Variants in CMSS1 observed in about 807,000 individuals in gnomAD.
CMSS1 encodes cms1 ribosomal small subunit homolog.
Under a neutral mutation model 43.5 loss-of-function variants are expected in CMSS1, and 33 were observed. The observed-to-expected ratio is 0.76, with a 90% CI of 0.57 to 1.01. The LOEUF (loss-of-function observed/expected upper bound fraction) is 1.01, where lower values mean the gene tolerates loss of function less well. CMSS1 is among the 50% of genes least tolerant of loss of function. The pLI, the probability that CMSS1 is intolerant of heterozygous loss-of-function variation, is 0.00. For synonymous variants in CMSS1, 115 were observed against 117.2 expected (o/e 0.98, Z 0.12); for missense variants, 313 against 326.4 (o/e 0.96, Z 0.32).
intron 1 of CMSS1, among the ~76,000 whole-genome samples, chr3:100,121,880 G>T (rs1035382135): frequency 1.3e-5 from 2 of 152,190 alleles, no homozygotes; most frequent in Non-Finnish European, 2.9e-5. Context: ...GCTGCTCCCA[G>T]CAGCAGAACC....
At chr3:100,055,793 A>C (rs980425474) in intron 1 of CMSS1, among the ~76,000 whole-genome samples, 2 of 152,202 alleles carry the variant, frequency 1.3e-5, no homozygotes, top group African/African-American at 4.8e-5. Context: ...AAATTTCAGA[A>C]ATTTTTTAAT....
intron 2 of CMSS1, among the ~76,000 whole-genome samples, chr3:100,150,004 G>A (rs984561129): frequency 6.6e-6 from 1 of 151,910 alleles, no homozygotes; most frequent in Non-Finnish European, 1.5e-5. Flanking sequence ...TTGACATTCA[G>A]GGCTGGGGTC....
intron 1 of CMSS1, among the ~76,000 whole-genome samples, chr3:100,088,003 A>G (rs1022224469): frequency 2.0e-4 from 31 of 151,760 alleles, no homozygotes; most frequent in African/African-American, 6.5e-4. Context: ...GCTAATTTTT[A>G]TATTTGTAGT....
At chr3:99,844,393 T>G (rs1943269859) in intron 1 of CMSS1, among the ~76,000 whole-genome samples, 1 of 152,152 alleles carries the variant, frequency 6.6e-6, no homozygotes, top group African/African-American at 2.4e-5. Flanking sequence ...ATCTTTTCTC[T>G]TGGGATTACA....
chr3:99,835,378 T>C (rs558939939), intron 1 of CMSS1, among the ~76,000 whole-genome samples: 2 of 152,384 alleles, frequency 1.3e-5, no homozygotes, highest in South Asian at 4.1e-4. Flanking sequence ...GTAGTTCTTT[T>C]AGATCACCTG....
chr3:100,172,431 G>GC (rs1367596452), intron 8 of CMSS1, 28 bp downstream of exon 8: 1 of 1,573,198 alleles, frequency 6.4e-7, no homozygotes, highest in Non-Finnish European at 8.7e-7. Context: ...TGATACTCTT[G>GC]CCCAGGGCTG....
At chr3:99,932,845 C>A (rs895009646) in intron 1 of CMSS1, among the ~76,000 whole-genome samples, 2 of 152,116 alleles carry the variant, frequency 1.3e-5, no homozygotes, top group Non-Finnish European at 2.9e-5. Context: ...GAGCCAAGAT[C>A]GCGCCCGGCA....
intron 1 of CMSS1, among the ~76,000 whole-genome samples, chr3:99,989,756 G>A (rs1402868976): frequency 1.3e-5 from 2 of 150,040 alleles, no homozygotes; most frequent in Non-Finnish European, 2.9e-5. Flanking sequence ...ATGCTAATAT[G>A]TTATCAACAT....
chr3:100,144,261 A>G (rs1243610878), intron 1 of CMSS1, among the ~76,000 whole-genome samples: 4 of 152,090 alleles, frequency 2.6e-5, no homozygotes, highest in African/African-American at 4.8e-5. Context: ...AGCCTTTTTA[A>G]TGGTTGCTGA....
At chr3:99,848,330 T>C in intron 1 of CMSS1, 1 of 1,613,816 alleles carries the variant, frequency 6.2e-7, no homozygotes, top group Non-Finnish European at 8.5e-7. Context: ...GGTGTGGCTG[T>C]TGGTGTGATA....
chr3:100,064,394 C>T (rs1017607753), intron 1 of CMSS1, among the ~76,000 whole-genome samples: 1 of 151,786 alleles, frequency 6.6e-6, no homozygotes, highest in African/African-American at 2.4e-5. Flanking sequence ...ACCCCCCCAA[C>T]ACCCTTTTTT....
At chr3:100,096,708 A>G (rs929259958) in intron 1 of CMSS1, among the ~76,000 whole-genome samples, 1 of 152,142 alleles carries the variant, frequency 6.6e-6, no homozygotes, top group East Asian at 1.9e-4. Flanking sequence ...TGATAGCACA[A>G]CAGAGTGACT....
chr3:100,166,202 T>G, intron 4 of CMSS1, 133 bp from the exon 5 acceptor site: 1 of 594,236 alleles, frequency 1.7e-6, no homozygotes, highest in South Asian at 2.3e-5. Flanking sequence ...GGCAACACTT[T>G]AAGATATAAA....
intron 1 of CMSS1, among the ~76,000 whole-genome samples, chr3:99,825,237 G>A (rs1172032654): frequency 3.3e-5 from 5 of 152,192 alleles, no homozygotes; most frequent in African/African-American, 4.8e-5. Context: ...CTCATGCTTA[G>A]CCTTGTTTTA....
intron 1 of CMSS1, among the ~76,000 whole-genome samples, chr3:99,963,366 C>T (rs966648995): frequency 4.0e-5 from 6 of 151,888 alleles, no homozygotes; most frequent in South Asian, 2.1e-4. Context: ...AGTCATGATC[C>T]GTGGAGCCTG....
rs542070559 is a variant in CMSS1, at chr3:99,960,857, T to A, written c.64+142814T>A. Among the ~76,000 whole-genome samples, 7 of 152,386 alleles carry A rather than the reference T, an allele frequency of 4.6e-5. No individual in the cohort carries two copies. The South Asian group carries it at 1.4e-3, about 32-fold the overall frequency. ...GTTATATATTTTTGCGTTGTTAATA[T>A]TTTTAATTGGTGTTTCTAAAGTAAA... is the stretch of plus-strand genomic sequence containing the variant. On this transcript the variant is annotated intron_variant, in intron 1 of 9. Transcript: ENST00000421999.
chr3:100,069,408 C>CCTGCT (rs1023730607), intron 1 of CMSS1, among the ~76,000 whole-genome samples: 1 of 152,120 alleles, frequency 6.6e-6, no homozygotes, highest in Non-Finnish European at 1.5e-5. Flanking sequence ...ATAATGCTCA[C>CCTGCT]CTGCTCTGTT....
chr3:100,016,135 A>G (rs1420657030), intron 1 of CMSS1, among the ~76,000 whole-genome samples: 1 of 152,136 alleles, frequency 6.6e-6, no homozygotes, highest in African/African-American at 2.4e-5. Flanking sequence ...AGGTCTCTTT[A>G]TCACTCTCCT....
rs2067178884 is a variant in CMSS1 at position 100,180,634 on chromosome 3, GTCC to G, written c.*2247_*2249del. ...AGACCACCTCAGCCTGGACTTCATT[GTCC>G]ATATCACTATCAGCATTTTGGTCAA... On this transcript the variant is annotated 3_prime_UTR_variant, in exon 10 of 10. Coordinates refer to ENST00000421999, the MANE Select transcript of CMSS1 (RefSeq NM_032359.4). The G allele has an allele frequency of 6.6e-6, 1 of 152,518 alleles. No individual in the cohort carries two copies. The highest frequency in any genetic ancestry group is 1.5e-5 in the Non-Finnish European group (1 of 68,294). The allele number at this position is 152,518 out of a possible 1,614,324, so 9.4% of individuals were successfully genotyped here.
Sources: allele counts gnomAD v4.1 joint callset (sites outside exome capture counted in the v4.1 genomes callset), GRCh38; gene constraint gnomAD v4.1.1; transcripts MANE v1.5; gene names NCBI Gene and HGNC (gene_info 2026-07-23, HGNC 2026-07-21).